ATXN7L1: variants seen among roughly 807,000 people sequenced by gnomAD.
The protein encoded by ATXN7L1 is ataxin 7 like 1.
A neutral mutation model predicts 70.8 loss-of-function variants in ATXN7L1; 15 were observed. The ratio of observed to expected loss-of-function variants is 0.21; its 90% CI spans 0.14 to 0.33. ATXN7L1 has a LOEUF of 0.33. Ranked by LOEUF, ATXN7L1 falls within the 10% of genes least tolerant of loss-of-function variation. ATXN7L1 has a pLI of 1.00. For missense variants in ATXN7L1, 975 were observed against 1,097.1 expected, an observed-to-expected ratio of 0.89 and a Z score of 1.57; for synonymous variants, 440 against 445.1, an observed-to-expected ratio of 0.99 and a Z score of 0.14.
chr7:105,787,463 C>A (rs569816627), intron 3 of ATXN7L1, among the ~76,000 whole-genome samples: 5 of 152,212 alleles, frequency 3.3e-5, no homozygotes, highest in African/African-American at 1.2e-4. Flanking sequence ...ATTACAAACA[C>A]AAAATATGCC....
intron 2 of ATXN7L1, among the ~76,000 whole-genome samples, chr7:105,815,279 G>C (rs1012583230): frequency 3.9e-5 from 6 of 152,250 alleles, no homozygotes; most frequent in South Asian, 2.1e-4. Flanking sequence ...TTTTGTGCTT[G>C]GCTCTAGGAA....
At chr7:105,667,884 C>T (rs890467705) in intron 3 of ATXN7L1, among the ~76,000 whole-genome samples, 1 of 152,110 alleles carries the variant, frequency 6.6e-6, no homozygotes, top group Non-Finnish European at 1.5e-5. Flanking sequence ...TCTTTTTCGG[C>T]AGAGGCTTCC....
At chr7:105,719,305 A>G (rs925088928) in intron 3 of ATXN7L1, among the ~76,000 whole-genome samples, 10 of 152,162 alleles carry the variant, frequency 6.6e-5, no homozygotes. Flanking sequence ...AGGCTCCCAC[A>G]GAGTAGCCCC....
chr7:105,875,807 C>T lies in ATXN7L1; in HGVS notation c.250+5G>A. On this transcript the variant is annotated splice_donor_5th_base_variant and intron_variant, in intron 2 of 11. Transcript: ENST00000419735. ...TAACACTAAAATGCCAGTAGCTCCA[C>T]TTACCTTCTTTATTAAGCCTCATAA... 6.2e-7 allele frequency: 1 copy of T among 1,610,822 alleles called. No individual in the cohort carries two copies. The highest frequency in any genetic ancestry group is 8.5e-7 in the Non-Finnish European group (1 of 1,177,020).
intron 2 of ATXN7L1, among the ~76,000 whole-genome samples, chr7:105,838,004 T>C (rs1812657853): frequency 6.6e-6 from 1 of 152,090 alleles, no homozygotes; most frequent in African/African-American, 2.4e-5. Flanking sequence ...CCTCGGAAAA[T>C]AGCTTCCCTC....
In ATXN7L1 at chr7:105,757,726, G is replaced by A. The variant is rs75227881; in HGVS notation, c.355+30878C>T. On this transcript the variant is annotated intron_variant, in intron 3 of 11. Coordinates refer to ENST00000419735, the MANE Select transcript of ATXN7L1 (RefSeq NM_020725.2). Reference sequence around the variant, plus strand: ...GCCCCCTAAGTAGCTTGGGCTACAGGCATGCAAAACCCCGCCTGGCTAATT... The same window carrying A: ...GCCCCCTAAGTAGCTTGGGCTACAGACATGCAAAACCCCGCCTGGCTAATT... Among the ~76,000 whole-genome samples, 1,362 of 150,994 alleles carry A rather than the reference G, an allele frequency of 9.0e-3. 26 individuals carry two copies. The highest frequency in any genetic ancestry group is 0.031 in the African/African-American group (1,285 of 41,000).
intron 3 of ATXN7L1, among the ~76,000 whole-genome samples, chr7:105,700,294 C>T (rs1049986510): frequency 9.2e-5 from 14 of 151,972 alleles, no homozygotes; most frequent in African/African-American, 3.4e-4. Flanking sequence ...TCACCTGAGG[C>T]CAGGAGTTCG....
intron 3 of ATXN7L1, among the ~76,000 whole-genome samples, chr7:105,674,871 C>A (rs7781473): frequency 0.012 from 1,774 of 152,286 alleles, 33 homozygotes; most frequent in Non-Finnish European, 0.014. Flanking sequence ...TGAAATACTT[C>A]CATCAGCCCC....
In ATXN7L1 at chr7:105,861,565, A is replaced by G. The variant is rs76582667; in HGVS notation, c.250+14247T>C. Among the ~76,000 whole-genome samples the G allele has an allele frequency of 8.3e-4, 126 of 152,046 alleles. 1 individual carries two copies. In the East Asian group the frequency reaches 0.019, roughly 23 times the overall value. ...GGTCTAGTGGAGTCTGAGATGCACA[A>G]TGACATCTGTGAGGGGCTGTCTGGT... On this transcript the variant is annotated intron_variant, in intron 2 of 11. Coordinates refer to ENST00000419735, the MANE Select transcript of ATXN7L1 (RefSeq NM_020725.2).
chr7:105,743,974 C>T (rs1462561747), intron 3 of ATXN7L1, among the ~76,000 whole-genome samples: 8 of 152,124 alleles, frequency 5.3e-5, no homozygotes, highest in East Asian at 1.9e-4. Flanking sequence ...GGACTGATTG[C>T]GGAGAAAACC....
At chr7:105,765,024 T>C (rs1801058483) in intron 3 of ATXN7L1, among the ~76,000 whole-genome samples, 1 of 152,142 alleles carries the variant, frequency 6.6e-6, no homozygotes, top group Admixed American at 6.6e-5. Flanking sequence ...GAAGTAGGAG[T>C]TCTTGCCACC....
At chr7:105,730,593 G>A (rs369119980) in intron 3 of ATXN7L1, among the ~76,000 whole-genome samples, 3 of 152,220 alleles carry the variant, frequency 2.0e-5, no homozygotes, top group Non-Finnish European at 4.4e-5. Flanking sequence ...TTAGCTGGGC[G>A]TGGTGGCATG....
At chr7:105,675,466 C>G (rs1010844811) in intron 3 of ATXN7L1, among the ~76,000 whole-genome samples, 1 of 151,876 alleles carries the variant, frequency 6.6e-6, no homozygotes, top group Non-Finnish European at 1.5e-5. Context: ...CTACTAAAAA[C>G]ACAGAAAAAT....
At chr7:105,837,047 A>G (rs186430131) in intron 2 of ATXN7L1, among the ~76,000 whole-genome samples, 2 of 152,258 alleles carry the variant, frequency 1.3e-5, no homozygotes, top group East Asian at 1.9e-4. Flanking sequence ...GCTTTTACTC[A>G]TGGTGGAAGA....
At chr7:105,645,363 T>A (rs1798831269) in intron 4 of ATXN7L1, among the ~76,000 whole-genome samples, 1 of 152,160 alleles carries the variant, frequency 6.6e-6, no homozygotes, top group Non-Finnish European at 1.5e-5. Flanking sequence ...AACCTGACTT[T>A]AAAAATACAG....
intron 3 of ATXN7L1, among the ~76,000 whole-genome samples, chr7:105,774,167 T>G (rs899960023): frequency 3.9e-5 from 6 of 152,042 alleles, no homozygotes; most frequent in Admixed American, 3.9e-4. Context: ...TGTAAGAATA[T>G]GACAAAGGCA....
intron 2 of ATXN7L1, among the ~76,000 whole-genome samples, chr7:105,816,889 G>C (rs1230617541): frequency 6.6e-6 from 1 of 152,238 alleles, no homozygotes; most frequent in Admixed American, 6.5e-5. Flanking sequence ...ACAGGCATGG[G>C]TCACTTATCA....
At position 105,629,484 on chromosome 7, in the gene ATXN7L1, T is replaced by A. The variant is rs543246860; in HGVS notation, c.1203-5217A>T. On this transcript the variant is annotated intron_variant, in intron 7 of 11. Coordinates refer to ENST00000419735, the MANE Select transcript of ATXN7L1 (RefSeq NM_020725.2). ...AATATATATAATTATATATTATTTT[T>A]TATATATATGTATTATTATTATTAT... 1.1e-4 allele frequency among the ~76,000 whole-genome samples: 16 copies of A among 148,164 alleles called. 1 individual carries two copies. The highest frequency in any genetic ancestry group is 2.1e-4 in the South Asian group (1 of 4,764).
intron 2 of ATXN7L1, among the ~76,000 whole-genome samples, chr7:105,836,973 G>C (rs1368767781): frequency 6.6e-6 from 1 of 152,106 alleles, no homozygotes; most frequent in Admixed American, 6.5e-5. Flanking sequence ...CAGGAGAATC[G>C]CTTGAACCCA....
Sources: allele counts gnomAD v4.1 joint callset (sites outside exome capture counted in the v4.1 genomes callset), GRCh38; gene constraint gnomAD v4.1.1; transcripts MANE v1.5; gene names NCBI Gene and HGNC (gene_info 2026-07-23, HGNC 2026-07-21).